The following USP53 variants were observed in gnomAD, a reference collection of about 807,000 sequenced individuals.
The protein encoded by USP53 is ubiquitin specific peptidase 53.
In USP53, 71 loss-of-function variants were observed where a neutral mutation model predicts 94.9. That is an observed-to-expected ratio of 0.75 (90% confidence interval 0.62 to 0.91). The LOEUF is 0.91. Ranked by LOEUF, USP53 falls within the 40% of genes least tolerant of loss-of-function variation. USP53 has a pLI of 0.00. For missense variants in USP53, 1,173 were observed against 1,281.0 expected (o/e 0.92, Z 1.29); for synonymous variants, 375 against 422.7 (o/e 0.89, Z 1.39).
rs1754726658 is a variant in USP53, at chr4:119,291,226, A to AT, written c.2314dup (p.Ser772PhefsTer17). The AT allele has an allele frequency of 6.2e-7, 1 of 1,600,670 alleles. No homozygotes were observed. The highest frequency in any genetic ancestry group is 1.7e-5 in the Admixed American group (1 of 57,750). The stretch of plus-strand genomic sequence containing the variant: ...ATAAATCTCATGAATTCCACCCAGA[A>AT]TCACATTTACAAATAAAAAATCATT... On this transcript the variant is annotated frameshift_variant, in exon 18 of 19. Transcript: ENST00000692078. LOFTEE classifies it low-confidence loss of function (END_TRUNC).
At chr4:119,231,236 C>T (rs1347018107) in intron 3 of USP53, among the ~76,000 whole-genome samples, 1 of 152,086 alleles carries the variant, frequency 6.6e-6, no homozygotes, top group Non-Finnish European at 1.5e-5. Flanking sequence ...CAGCGAACAC[C>T]CTGTAGCAAT....
chr4:119,239,009 A>C (rs974725522), intron 4 of USP53, among the ~76,000 whole-genome samples: 19 of 152,136 alleles, frequency 1.2e-4, no homozygotes, highest in African/African-American at 4.6e-4. Context: ...TTGAACATTG[A>C]GCTTAAGGTA....
At chr4:119,282,869 A>G (rs1218669257) in intron 17 of USP53, among the ~76,000 whole-genome samples, 1 of 152,016 alleles carries the variant, frequency 6.6e-6, no homozygotes, top group Non-Finnish European at 1.5e-5. Flanking sequence ...GACCTATAGA[A>G]TCATTTTATA....
At chr4:119,227,256 T>TACACACACACACACAC (rs3138727) in intron 3 of USP53, among the ~76,000 whole-genome samples, 5,699 of 124,894 alleles carry the variant, frequency 0.046, 263 homozygotes, top group Non-Finnish European at 0.049. Flanking sequence ...TGTCTAACAC[T>TACACACACACACACAC]ACACACACAC....
At chr4:119,233,833 A>T (rs1746377967) in intron 3 of USP53, among the ~76,000 whole-genome samples, 1 of 152,162 alleles carries the variant, frequency 6.6e-6, no homozygotes, top group Non-Finnish European at 1.5e-5. Flanking sequence ...ATGAGCTAGT[A>T]ATATTTGCCT....
chr4:119,268,227 G>A (rs768962284), intron 13 of USP53, 41 bp from the exon 14 acceptor site: 8 of 1,507,392 alleles, frequency 5.3e-6, no homozygotes, highest in Non-Finnish European at 7.2e-6. Context: ...CTCTTCTCAT[G>A]GGAAGGAAAG....
intron 5 of USP53, among the ~76,000 whole-genome samples, chr4:119,243,365 G>A (rs191737859): frequency 2.6e-5 from 4 of 152,202 alleles, no homozygotes; most frequent in African/African-American, 4.8e-5. Flanking sequence ...GGGCGTGGTG[G>A]CAGGCACCTG....
intron 7 of USP53, among the ~76,000 whole-genome samples, chr4:119,255,752 G>A (rs1051616482): frequency 1.3e-5 from 2 of 152,210 alleles, no homozygotes; most frequent in African/African-American, 4.8e-5. Flanking sequence ...TCCGTGGGCT[G>A]CACTCACTGT....
chr4:119,218,556 CTT>C (rs1453712447), intron 3 of USP53: 1 of 151,984 alleles, frequency 6.6e-6, no homozygotes, highest in Non-Finnish European at 1.5e-5. Flanking sequence ...GTATTATAGT[CTT>C]TTTTCTTATT....
chr4:119,280,705 A>G (rs1449192963), intron 17 of USP53, among the ~76,000 whole-genome samples: 1 of 152,198 alleles, frequency 6.6e-6, no homozygotes, highest in South Asian at 2.1e-4. Flanking sequence ...AGTATCTTCA[A>G]AATCTCAAGG....
intron 17 of USP53, among the ~76,000 whole-genome samples, chr4:119,280,409 A>C (rs560659555): frequency 6.6e-6 from 1 of 152,238 alleles, no homozygotes; most frequent in South Asian, 2.1e-4. Flanking sequence ...TATATTTGCA[A>C]AGAAAAATGT....
At position 119,244,809 on chromosome 4, in the gene USP53, A is replaced by G. The variant is rs185164755; in HGVS notation, c.145-528A>G. On this transcript the variant is annotated intron_variant, in intron 5 of 18. Transcript: ENST00000692078. Reference sequence around the variant, plus strand: ...AATTTATTAATGGCTGCTGCTTACTATGCTGTACCCCCATTACCACACAGG... The same window carrying G: ...AATTTATTAATGGCTGCTGCTTACTGTGCTGTACCCCCATTACCACACAGG... 3.9e-5 allele frequency among the ~76,000 whole-genome samples: 6 copies of G among 152,290 alleles called. No individual in the cohort carries two copies. In the East Asian group the frequency reaches 9.6e-4, roughly 24 times the overall value.
At chr4:119,244,740 T>C (rs1453135304) in intron 5 of USP53, among the ~76,000 whole-genome samples, 4 of 152,190 alleles carry the variant, frequency 2.6e-5, no homozygotes, top group Non-Finnish European at 4.4e-5. Flanking sequence ...TGTCTTTTAG[T>C]AGCAGAAGAT....
At chr4:119,284,281 C>T (rs1444731398) in intron 17 of USP53, among the ~76,000 whole-genome samples, 1 of 149,694 alleles carries the variant, frequency 6.7e-6, no homozygotes, top group Non-Finnish European at 1.5e-5. Context: ...AACTTAATCT[C>T]AAATGGTCCA....
In USP53 at chr4:119,214,070, T is replaced by C. The variant is rs1043530372; in HGVS notation, c.-941T>C. ...AATTGTTATTTTCTGTTCTTTTCAG[T>C]TCCGTGATGATGGTCTAAGCAAAGA... On this transcript the variant is annotated splice_region_variant and 5_prime_UTR_variant, in exon 2 of 19. Coordinates refer to ENST00000692078, the MANE Select transcript of USP53 (RefSeq NM_001371395.1). The C allele has an allele frequency of 1.3e-5, 2 of 151,766 alleles. No homozygotes were observed. The highest frequency in any genetic ancestry group is 1.3e-4 in the Admixed American group (2 of 15,248). 9.4% of individuals were successfully genotyped at this position (151,766 alleles called of 1,614,324 possible).
chr4:119,272,880 A>G (rs907592286), intron 16 of USP53: 6 of 152,232 alleles, frequency 3.9e-5, no homozygotes, highest in Non-Finnish European at 8.8e-5. Flanking sequence ...AAATACATTT[A>G]TTATATTACT....
intron 17 of USP53, among the ~76,000 whole-genome samples, chr4:119,285,679 G>C (rs1051314742): frequency 1.3e-5 from 2 of 151,792 alleles, no homozygotes; most frequent in African/African-American, 4.8e-5. Context: ...ATATACATAA[G>C]TTTTCTCTAA....
chr4:119,267,153 TTAGAC>T (rs1214841305), intron 12 of USP53, among the ~76,000 whole-genome samples, 162 bp from the exon 13 acceptor site: 1 of 152,212 alleles, frequency 6.6e-6, no homozygotes, highest in African/African-American at 2.4e-5. Flanking sequence ...ATATTTTTAT[TTAGAC>T]TAGTTACTAA....
chr4:119,271,187 C>A, intron 15 of USP53, 109 bp from the exon 16 acceptor site: 1 of 1,453,876 alleles, frequency 6.9e-7, no homozygotes. Flanking sequence ...CTTGTAATTA[C>A]TATTTACCTA....
Sources: allele counts gnomAD v4.1 joint callset (sites outside exome capture counted in the v4.1 genomes callset), GRCh38; gene constraint gnomAD v4.1.1; transcripts MANE v1.5; gene names NCBI Gene and HGNC (gene_info 2026-07-23, HGNC 2026-07-21).